The following TBC1D8 variants were observed in gnomAD, a reference collection of about 807,000 sequenced individuals.
TBC1D8 encodes TBC1 domain family member 8.
Under a neutral mutation model 118.8 loss-of-function variants are expected in TBC1D8, and 65 were observed. The ratio of observed to expected loss-of-function variants is 0.55; its 90% CI spans 0.45 to 0.67. The LOEUF is 0.67. TBC1D8 is among the 30% of genes least tolerant of loss of function. TBC1D8 has a pLI of 0.00. For missense variants in TBC1D8, 1,376 were observed against 1,471.2 expected (o/e 0.94, Z 1.06); for synonymous variants, 566 against 595.8 (o/e 0.95, Z 0.73).
intron 1 of TBC1D8, among the ~76,000 whole-genome samples, chr2:101,107,636 T>C (rs1271829959): frequency 3.3e-5 from 5 of 152,134 alleles, no homozygotes; most frequent in Non-Finnish European, 1.5e-5. Flanking sequence ...TGAGCACACA[T>C]AGAGCGCAGA....
chr2:101,077,142 G>A (rs1674889547), intron 2 of TBC1D8, among the ~76,000 whole-genome samples: 1 of 151,860 alleles, frequency 6.6e-6, no homozygotes, highest in Non-Finnish European at 1.5e-5. Context: ...TCCTGCCTCA[G>A]CCTCCCGGGT....
At chr2:101,139,089 T>C (rs1415425533) in intron 1 of TBC1D8, among the ~76,000 whole-genome samples, 1 of 149,010 alleles carries the variant, frequency 6.7e-6, no homozygotes, top group Non-Finnish European at 1.5e-5. Flanking sequence ...CTTCCATGCA[T>C]TTTTTTTTTC....
chr2:101,039,876 G>A (rs550982137), intron 6 of TBC1D8, among the ~76,000 whole-genome samples: 1 of 152,100 alleles, frequency 6.6e-6, no homozygotes, highest in East Asian at 1.9e-4. Context: ...TAATTGCTAG[G>A]TATGTACTTT....
intron 10 of TBC1D8, chr2:101,033,271 C>T (rs1192628342): frequency 2.1e-6 from 1 of 467,038 alleles, no homozygotes; most frequent in Middle Eastern, 6.4e-4. Flanking sequence ...CACGCGCCAC[C>T]ATGCCCAGCT....
At chr2:101,120,790 G>C (rs1331300180) in intron 1 of TBC1D8, among the ~76,000 whole-genome samples, 1 of 152,194 alleles carries the variant, frequency 6.6e-6, no homozygotes, top group Non-Finnish European at 1.5e-5. Context: ...CTTAACAAGA[G>C]CTGGCTCACA....
Position 101,096,419 on chromosome 2 carries a change from C to CAAAAAAAAAA in TBC1D8, c.128-6065_128-6056dup, listed in dbSNP as rs55824667. Among the ~76,000 whole-genome samples the CAAAAAAAAAA allele has an allele frequency of 1.6e-4, 7 of 43,736 alleles. 1 individual carries two copies. Among genetic ancestry groups the CAAAAAAAAAA allele is most frequent in the Non-Finnish European group, 2.5e-4 (6 of 23,800 alleles). The allele number at this position is 43,736 out of a possible 152,430, so 28.7% of individuals were successfully genotyped here. On this transcript the variant is annotated intron_variant, in intron 1 of 19. Coordinates refer to ENST00000409318, the MANE Select transcript of TBC1D8 (RefSeq NM_001330348.2). ...CCAAAATATTATGTCTGGCTTTTGACAAAAAAAAAAAAAAAAAAAAAAAAA... is the reference window on the plus strand; with the variant it reads ...CCAAAATATTATGTCTGGCTTTTGACAAAAAAAAAAAAAAAAAAAAAAAAAAAAAAAAAAA...
At chr2:101,008,700 T>C (rs1337115876) in intron 19 of TBC1D8, among the ~76,000 whole-genome samples, 1 of 151,784 alleles carries the variant, frequency 6.6e-6, no homozygotes, top group East Asian at 1.9e-4. Flanking sequence ...CAATCCCAGC[T>C]ACTTGGGAGG....
rs577618325 is a variant in TBC1D8 at position 101,027,266 on chromosome 2, C to T, written c.2520+117G>A. ...AAGACAGCTTCAAGGGGGGCAGCTC[C>T]GGCCTCTGCTCCACGGAGCCCTGCA... On this transcript the variant is annotated intron_variant, in intron 15 of 19. Transcript: ENST00000409318. 263 of 900,994 alleles carry T rather than the reference C, an allele frequency of 2.9e-4. No individual in the cohort carries two copies. In the African/African-American group the frequency reaches 3.3e-3, roughly 11 times the overall value. The allele number at this position is 900,994 out of a possible 1,614,324, so 55.8% of individuals were successfully genotyped here.
At chr2:101,052,665 C>T (rs116058758) in intron 4 of TBC1D8, among the ~76,000 whole-genome samples, 1,802 of 151,958 alleles carry the variant, frequency 0.012, 37 homozygotes, top group African/African-American at 0.035. Context: ...TTAGTAGAGG[C>T]GGGGTTTCCA....
intron 5 of TBC1D8, among the ~76,000 whole-genome samples, chr2:101,041,801 A>T (rs1376063004): frequency 6.6e-6 from 1 of 152,092 alleles, no homozygotes; most frequent in Non-Finnish European, 1.5e-5. Flanking sequence ...GTGCAGGTGG[A>T]TCACTTGAGC....
chr2:101,116,524 C>T (rs1231641201), intron 1 of TBC1D8, among the ~76,000 whole-genome samples: 1 of 152,068 alleles, frequency 6.6e-6, no homozygotes, highest in Non-Finnish European at 1.5e-5. Context: ...GGGGCCAACT[C>T]GCCCCTTCCA....
intron 10 of TBC1D8, among the ~76,000 whole-genome samples, chr2:101,033,203 G>A (rs1260357931): frequency 6.6e-6 from 1 of 151,002 alleles, no homozygotes; most frequent in African/African-American, 2.4e-5. Context: ...CGCAACCTGC[G>A]ACTCCCTGGT....
chr2:101,022,493 T>C lies in TBC1D8; in HGVS notation c.2549A>G (p.Glu850Gly). ...GCGTGAGGCCATGGGCCTGGGCTGC[T>C]CCCAGTAACAGCTCATCATATGTTC... The part of the protein sequence containing the change: ...KREHMMSCYW[E>G]QPRPMASRHD... The change falls in exon 16 of 20, where the codon GAG becomes GGG. Residue 850 changes from glutamate (E) to glycine (G), a missense_variant. Transcript: ENST00000409318. 1 of 1,599,882 alleles carries C rather than the reference T, an allele frequency of 6.3e-7. No individual in the cohort carries two copies. Among genetic ancestry groups the C allele is most frequent in the Non-Finnish European group, 8.5e-7 (1 of 1,176,114 alleles).
intron 1 of TBC1D8, among the ~76,000 whole-genome samples, chr2:101,133,153 C>T (rs1159957386): frequency 1.5e-5 from 2 of 137,356 alleles, no homozygotes; most frequent in African/African-American, 2.7e-5. Context: ...GTGCGAGACT[C>T]CATCTCAAAA....
intron 5 of TBC1D8, among the ~76,000 whole-genome samples, chr2:101,048,964 T>C (rs910510960): frequency 6.6e-6 from 1 of 152,204 alleles, no homozygotes; most frequent in Non-Finnish European, 1.5e-5. Context: ...GGCTGAGTAA[T>C]ATTCCATTGT....
At chr2:101,070,416 A>AT (rs67281797) in intron 2 of TBC1D8, among the ~76,000 whole-genome samples, 117,681 of 144,604 alleles carry the variant, frequency 0.81, 48,039 homozygotes, top group Middle Eastern at 0.92. Context: ...AACAAATCTG[A>AT]TTTTTTTTTT....
intron 1 of TBC1D8, among the ~76,000 whole-genome samples, chr2:101,135,708 G>T (rs774087745): frequency 6.6e-6 from 1 of 152,212 alleles, no homozygotes; most frequent in East Asian, 1.9e-4. Context: ...AGGTCTCTAG[G>T]GGTCCTCACT....
chr2:101,018,240 CCTT>C (rs1459678187), intron 17 of TBC1D8: 13 of 239,574 alleles, frequency 5.4e-5, no homozygotes, highest in Non-Finnish European at 1.0e-4. Context: ...TTTGTGACCT[CCTT>C]TTTTCCGAAG....
chr2:101,100,917 A>G (rs540870828), intron 1 of TBC1D8, among the ~76,000 whole-genome samples: 2 of 152,336 alleles, frequency 1.3e-5, no homozygotes, highest in East Asian at 3.9e-4. Context: ...AAAGACTAAA[A>G]TGTAAAACCC....
Sources: gnomAD v4.1 joint callset for allele counts (sites outside exome capture counted in the v4.1 genomes callset) on GRCh38, gnomAD v4.1.1 for gene constraint, MANE v1.5 for transcripts, NCBI Gene and HGNC (gene_info 2026-07-23, HGNC 2026-07-21) for gene names.